Variants in DPP6 observed in about 807,000 individuals in gnomAD.
DPP6 encodes the protein dipeptidyl peptidase like 6.
DPP6 carries 69 observed loss-of-function variants against 122.6 expected under a neutral mutation model. That is an observed-to-expected ratio of 0.56 (90% CI 0.46 to 0.69). DPP6 has a LOEUF of 0.69. Ranked by LOEUF, DPP6 falls within the 30% of genes least tolerant of loss-of-function variation. The pLI, the probability that DPP6 is intolerant of heterozygous loss-of-function variation, is 0.00. For missense variants in DPP6, 928 were observed against 1,116.9 expected (o/e 0.83, Z 2.41); for synonymous variants, 418 against 433.1 (o/e 0.97, Z 0.43).
At chr7:154,276,092 G>T (rs183770931) in intron 1 of DPP6, among the ~76,000 whole-genome samples, 30 of 152,324 alleles carry the variant, frequency 2.0e-4, no homozygotes, top group African/African-American at 7.0e-4. Context: ...CTGTGCATGA[G>T]AATGAGGACA....
intron 5 of DPP6, among the ~76,000 whole-genome samples, chr7:154,609,738 C>T (rs1304991560): frequency 1.3e-5 from 2 of 152,224 alleles, no homozygotes; most frequent in Non-Finnish European, 2.9e-5. Flanking sequence ...GATATGTGTG[C>T]ACCTGGCCTC....
chr7:153,909,019 T>C (rs1799964242), intron 1 of DPP6, among the ~76,000 whole-genome samples: 1 of 152,230 alleles, frequency 6.6e-6, no homozygotes, highest in Non-Finnish European at 1.5e-5. Context: ...TCCAAAGTGC[T>C]GGGATTACAG....
At chr7:154,703,548 G>A (rs1446000020) in intron 7 of DPP6, among the ~76,000 whole-genome samples, 1 of 150,720 alleles carries the variant, frequency 6.6e-6, no homozygotes. Context: ...GAACCCAGGA[G>A]GCAGAGATTG....
intron 1 of DPP6, among the ~76,000 whole-genome samples, chr7:154,184,253 T>C (rs773360555): frequency 7.3e-5 from 11 of 151,026 alleles, no homozygotes; most frequent in Admixed American, 1.3e-4. Flanking sequence ...AAAGCCCATA[T>C]GAGGTAAGAA....
chr7:154,879,706 C>T (rs142997069), intron 20 of DPP6, among the ~76,000 whole-genome samples: 28,134 of 151,898 alleles, frequency 0.19, 3,320 homozygotes, highest in Non-Finnish European at 0.27. Context: ...GAGCCACGAT[C>T]ACGCCACTGC....
At chr7:153,785,458 C>T in the DPP6 span, among the ~76,000 whole-genome samples, 1 of 152,016 alleles carries the variant, frequency 6.6e-6, no homozygotes, top group African/African-American at 2.4e-5. Flanking sequence ...AATCTCATCC[C>T]CTAGCTCTTA....
chr7:154,728,904 C>A (rs1206203860), intron 8 of DPP6, among the ~76,000 whole-genome samples: 1 of 152,208 alleles, frequency 6.6e-6, no homozygotes, highest in African/African-American at 2.4e-5. Flanking sequence ...GGGCAACACC[C>A]TCATAACCTC....
At chr7:154,700,539 T>G (rs1249947997) in intron 7 of DPP6, among the ~76,000 whole-genome samples, 1 of 152,210 alleles carries the variant, frequency 6.6e-6, no homozygotes, top group African/African-American at 2.4e-5. Flanking sequence ...TTCAGGGAGT[T>G]TGCTGCTGTT....
intron 1 of DPP6, among the ~76,000 whole-genome samples, chr7:154,365,543 G>A (rs1812083210): frequency 6.6e-6 from 1 of 152,156 alleles, no homozygotes; most frequent in Non-Finnish European, 1.5e-5. Flanking sequence ...GATCACACTG[G>A]AACACAGCGT....
At position 154,208,825 on chromosome 7, in the gene DPP6, C is replaced by T. The variant is rs147995676; in HGVS notation, c.243+155762C>T. 5.5e-3 allele frequency among the ~76,000 whole-genome samples: 828 copies of T among 151,634 alleles called. 4 individuals carry two copies. Among genetic ancestry groups the T allele is most frequent in the African/African-American group, 0.019 (771 of 41,374 alleles). On this transcript the variant is annotated intron_variant, in intron 1 of 25. Transcript: ENST00000377770. ...GGATCTCTGTCTCATCAGAATATAA[C>T]TTTCTTCCTCCTACACTCTGCCTCC... is the stretch of plus-strand genomic sequence containing the variant.
chr7:154,385,118 C>T (rs1307490026), intron 1 of DPP6, among the ~76,000 whole-genome samples: 3 of 152,186 alleles, frequency 2.0e-5, no homozygotes, highest in Non-Finnish European at 2.9e-5. Context: ...TACAGGTGCC[C>T]GCCACCATGC....
At chr7:154,335,899 G>C (rs901480763) in intron 1 of DPP6, among the ~76,000 whole-genome samples, 1 of 152,074 alleles carries the variant, frequency 6.6e-6, no homozygotes, top group African/African-American at 2.4e-5. Context: ...CGGAGATAGA[G>C]CATGCTATTT....
intron 16 of DPP6, among the ~76,000 whole-genome samples, chr7:154,829,777 A>G (rs1379344553): frequency 2.6e-5 from 4 of 152,058 alleles, no homozygotes; most frequent in Non-Finnish European, 5.9e-5. Flanking sequence ...GCCATAGGTA[A>G]GATGCTTCCT....
chr7:154,137,595 A>T (rs1228931355), intron 1 of DPP6, among the ~76,000 whole-genome samples: 1 of 139,454 alleles, frequency 7.2e-6, no homozygotes, highest in African/African-American at 2.7e-5. Context: ...GGTGCCTCTG[A>T]CAAAGGAGAA....
the DPP6 span, among the ~76,000 whole-genome samples, chr7:153,834,325 A>G: frequency 6.6e-6 from 1 of 152,128 alleles, no homozygotes; most frequent in Non-Finnish European, 1.5e-5. Flanking sequence ...GAAAGATTAA[A>G]ATATATTTAG....
the DPP6 span, among the ~76,000 whole-genome samples, chr7:153,836,614 TAGTC>T: frequency 1.3e-3 from 198 of 152,356 alleles, 1 homozygote; most frequent in African/African-American, 4.7e-3. Flanking sequence ...TGTAGAAACA[TAGTC>T]AGTGGATTAA....
intron 1 of DPP6, among the ~76,000 whole-genome samples, chr7:154,423,723 CA>C (rs781285297): frequency 3.3e-5 from 5 of 152,142 alleles, no homozygotes; most frequent in Non-Finnish European, 7.4e-5. Flanking sequence ...GTTTTATTGT[CA>C]AAATGTATCT....
At chr7:154,042,186 T>C (rs1799802224) in intron 1 of DPP6, among the ~76,000 whole-genome samples, 1 of 152,174 alleles carries the variant, frequency 6.6e-6, no homozygotes. Context: ...CTGACCACTC[T>C]CTCTTACCAG....
At chr7:154,493,913 T>C (rs1824502991) in intron 3 of DPP6, among the ~76,000 whole-genome samples, 1 of 152,198 alleles carries the variant, frequency 6.6e-6, no homozygotes, top group Non-Finnish European at 1.5e-5. Context: ...CTTTCAAACA[T>C]GGAGTTGCCA....
Sources: allele counts gnomAD v4.1 joint callset (sites outside exome capture counted in the v4.1 genomes callset), GRCh38; gene constraint gnomAD v4.1.1; transcripts MANE v1.5; gene names NCBI Gene and HGNC (gene_info 2026-07-23, HGNC 2026-07-21).